LYST: variants seen among roughly 807,000 people sequenced by gnomAD.
The protein encoded by LYST is lysosomal-trafficking regulator.
In LYST, 192 loss-of-function variants were observed where a neutral mutation model predicts 413.6. The observed-to-expected ratio is 0.46, with a 90% CI of 0.41 to 0.52. The LOEUF (loss-of-function observed/expected upper bound fraction) is 0.52, where lower values mean the gene tolerates loss of function less well. Ranked by LOEUF, LYST falls within the 20% of genes least tolerant of loss-of-function variation. The pLI is 0.00. For missense variants in LYST, 3,815 were observed against 4,499.9 expected (o/e 0.85, Z 4.35); for synonymous variants, 1,525 against 1,567.3 (o/e 0.97, Z 0.64).
chr1:235,702,627 T>TTAG, intron 45 of LYST, 120 bp downstream of exon 45: 1 of 831,008 alleles, frequency 1.2e-6, no homozygotes, highest in Admixed American at 1.9e-5. Context: ...GCACCTGTCT[T>TTAG]GCACTGACTG....
chr1:235,773,334 C>G (rs1668900308), intron 19 of LYST, among the ~76,000 whole-genome samples: 1 of 151,090 alleles, frequency 6.6e-6, no homozygotes, highest in Admixed American at 6.6e-5. Context: ...AAAACAAAAA[C>G]AAAAGCAAAC....
Position 235,806,276 on chromosome 1 carries a change from G to A in LYST, c.2860C>T (p.Pro954Ser), listed in dbSNP as rs770636769. ...ISLESLVLPSPEHMHQAADIW... is the reference protein window; with the variant it reads ...ISLESLVLPSSEHMHQAADIW... Reference sequence around the variant, plus strand: ...TCTGCTGCTTGGTGCATATGTTCAGGAGAAGGCAAGACAAGGCTCTCGAGA... The same window carrying A: ...TCTGCTGCTTGGTGCATATGTTCAGAAGAAGGCAAGACAAGGCTCTCGAGA... Residue 954 changes from proline (P) to serine (S), a missense_variant, in exon 6 of 53, where the codon CCT becomes TCT. Physicochemically the swap from Pro to Ser is moderately conservative, Grantham distance 74. Transcript: ENST00000389793. 15 of 1,614,026 alleles carry A rather than the reference G, an allele frequency of 9.3e-6. No homozygotes were observed. In the South Asian group the frequency reaches 9.9e-5, roughly 11 times the overall value.
chr1:235,746,525 G>A lies in LYST; in HGVS notation c.7783C>T (p.Pro2595Ser), dbSNP rs1246001804. The A allele has an allele frequency of 1.9e-6, 3 of 1,610,146 alleles. No individual in the cohort carries two copies. Among genetic ancestry groups the A allele is most frequent in the Non-Finnish European group, 2.5e-6 (3 of 1,177,048 alleles). Reference sequence around the variant, plus strand: ...GTTTGAGCAAGGGGAAATTTTCGAGGACCTTTAAAAGTATATAAATTAAAA... The same window carrying A: ...GTTTGAGCAAGGGGAAATTTTCGAGAACCTTTAAAAGTATATAAATTAAAA... ...VVQKRKSIAG[P>S]RKFPLAQTES... The change falls in exon 29 of 53, where the codon CCT becomes TCT. Residue 2595 changes from proline to serine, a missense_variant and splice_region_variant. Physicochemically the swap from Pro to Ser is moderately conservative, Grantham distance 74. Around this residue, in one of 4 missense-constraint regions of LYST, gnomAD observed 771 missense variants for 837.1 expected, o/e 0.92. Coordinates refer to ENST00000389793, the MANE Select transcript of LYST (RefSeq NM_000081.4).
chr1:235,835,421 G>GT (rs1369423133), intron 1 of LYST, among the ~76,000 whole-genome samples: 1 of 152,122 alleles, frequency 6.6e-6, no homozygotes, highest in East Asian at 1.9e-4. Flanking sequence ...CAGCGTGGCC[G>GT]TAAGAAGTGA....
At chr1:235,848,938 A>G (rs191665856) in intron 1 of LYST, among the ~76,000 whole-genome samples, 8 of 152,230 alleles carry the variant, frequency 5.3e-5, no homozygotes, top group Admixed American at 5.2e-4. Flanking sequence ...TCTACCAGAC[A>G]TTTAAAGAAT....
chr1:235,706,122 A>G (rs1242190955), intron 44 of LYST, among the ~76,000 whole-genome samples: 1 of 152,130 alleles, frequency 6.6e-6, no homozygotes, highest in Non-Finnish European at 1.5e-5. Flanking sequence ...TGCATTTTGG[A>G]ATCAAATGAA....
At position 235,809,198 on chromosome 1, in the gene LYST, A is replaced by G; in HGVS notation, c.1620T>C (p.Asp540=). 6.2e-7 allele frequency: 1 copy of G among 1,614,016 alleles called. No homozygotes were observed. The highest frequency in any genetic ancestry group is 8.5e-7 in the Non-Finnish European group (1 of 1,179,968). ...KNPFEETADG[D]VYYPERCCCI... is the part of the protein sequence containing the mutation. ...AACAGCACCGCTCAGGATAATAAAC[A>G]TCTCCATCTGCAGTCTCTTCAAATG... Residue 540 remains aspartate (D), a synonymous_variant, in exon 5 of 53, where the codon GAT becomes GAC. Coordinates refer to ENST00000389793, the MANE Select transcript of LYST (RefSeq NM_000081.4). The surrounding 1 kb of genome is among the most constrained non-coding windows in gnomAD (Gnocchi z 4.0).
At chr1:235,729,266 ATAG>A (rs1200311013) in intron 37 of LYST, among the ~76,000 whole-genome samples, 3 of 152,224 alleles carry the variant, frequency 2.0e-5, no homozygotes, top group East Asian at 3.8e-4. Flanking sequence ...ATCTGATAAA[ATAG>A]TAGGTAAGAT....
intron 19 of LYST, 37 bp from the exon 20 acceptor site, chr1:235,770,334 A>G: frequency 6.2e-7 from 1 of 1,606,292 alleles, no homozygotes; most frequent in Non-Finnish European, 8.5e-7. Context: ...GCACATACTT[A>G]CTGAAAAATA....
chr1:235,810,470 T>A lies in LYST; in HGVS notation c.348A>T (p.Arg116Ser). 1 of 1,611,364 alleles carries A rather than the reference T, an allele frequency of 6.2e-7. No individual in the cohort carries two copies. Among genetic ancestry groups the A allele is most frequent in the Non-Finnish European group, 8.5e-7 (1 of 1,179,360 alleles). ...LTKEKNSSSQ[R>S]STQEKLHLEG... ...CTAAATGTAATTTTTCCTGAGTGGA[T>A]CTTTGTGAACTTGAGTTCTTTTCTT... The change falls in exon 5 of 53, where the codon AGA (arginine) becomes AGT (serine). Residue 116 changes from arginine to serine, a missense_variant. Physicochemically the swap from Arg to Ser is moderately radical, Grantham distance 110. Around this residue, in one of 4 missense-constraint regions of LYST, gnomAD observed 1,648 missense variants for 1,810.3 expected, o/e 0.91. Coordinates refer to ENST00000389793, the MANE Select transcript of LYST (RefSeq NM_000081.4).
rs761343127 is a variant in LYST at position 235,753,128 on chromosome 1, G to A, written c.7376C>T (p.Ser2459Phe). The A allele has an allele frequency of 2.5e-6, 4 of 1,609,514 alleles. No homozygotes were observed. Among genetic ancestry groups the A allele is most frequent in the Non-Finnish European group, 3.4e-6 (4 of 1,176,322 alleles). The change falls in exon 26 of 53, where the codon TCT becomes TTT. Residue 2459 changes from serine to phenylalanine, a missense_variant. Around this residue, in one of 4 missense-constraint regions of LYST, gnomAD observed 771 missense variants for 837.1 expected, o/e 0.92. Transcript: ENST00000389793. ...ATCCAGCAACATATCTGCTACCTTAGAACAAGAATTTAAAATTTGGAGAAG... is the reference window on the plus strand; with the variant it reads ...ATCCAGCAACATATCTGCTACCTTAAAACAAGAATTTAAAATTTGGAGAAG... ...LLLLQILNSC[S>F]KVADMLLDNG...
rs373840046 is a variant in LYST, at chr1:235,800,335, C to T, written c.3991G>A (p.Asp1331Asn). The part of the protein sequence containing the change: ...GGFLSILTQD[D>N]SDFQACQRVL... ...TTCAACTTACCTTGAAAATCAGAAT[C>T]ATCCTGTGTTAAAATACTCAAGAAC... The change falls in exon 10 of 53, where the codon GAT becomes AAT. Residue 1331 changes from aspartate (D) to asparagine (N), a missense_variant. This residue lies in a region of LYST where 1,648 missense variants were observed against 1,810.3 expected (regional missense o/e 0.91). Coordinates refer to ENST00000389793, the MANE Select transcript of LYST (RefSeq NM_000081.4). 37 of 1,586,282 alleles carry T rather than the reference C, an allele frequency of 2.3e-5. No homozygotes were observed. The Middle Eastern group carries it at 1.0e-3, about 43-fold the overall frequency.
intron 1 of LYST, chr1:235,839,832 A>G (rs143748446): frequency 3.4e-4 from 52 of 151,710 alleles, no homozygotes; most frequent in African/African-American, 1.2e-3. Context: ...GAAATAAAAT[A>G]AAATAAAATA....
At position 235,809,379 on chromosome 1, in the gene LYST, A is replaced by C; in HGVS notation, c.1439T>G (p.Met480Arg). Residue 480 changes from methionine (M) to arginine (R), a missense_variant, in exon 5 of 53, where the codon ATG (methionine) becomes AGG (arginine). By Grantham distance (91) the Met-to-Arg change is moderately conservative. Transcript: ENST00000389793. The surrounding 1 kb of genome is among the most constrained non-coding windows in gnomAD (Gnocchi z 4.0). ...TGATTTCACTTTTTTGACAGTGCTC[A>C]TTATTTTCATCACACTATTTATTAG... is the stretch of plus-strand genomic sequence containing the variant. ...KALINSVMKIMSTVKKVKSEQ... is the reference protein window; with the variant it reads ...KALINSVMKIRSTVKKVKSEQ... 1 of 1,613,970 alleles carries C rather than the reference A, an allele frequency of 6.2e-7. No individual in the cohort carries two copies. Among genetic ancestry groups the C allele is most frequent in the Non-Finnish European group, 8.5e-7 (1 of 1,179,968 alleles).
At chr1:235,876,449 C>A (rs1681140408) in intron 1 of LYST, among the ~76,000 whole-genome samples, 1 of 152,076 alleles carries the variant, frequency 6.6e-6, no homozygotes, top group Admixed American at 6.5e-5. Flanking sequence ...CCCAAGTAAC[C>A]AAGGTAGTAG....
intron 34 of LYST, among the ~76,000 whole-genome samples, chr1:235,732,427 CA>C (rs1273459904): frequency 6.6e-6 from 1 of 152,120 alleles, no homozygotes; most frequent in African/African-American, 2.4e-5. Flanking sequence ...CTCAGCCTCC[CA>C]AAGTACTAGA....
intron 1 of LYST, among the ~76,000 whole-genome samples, chr1:235,862,936 T>C (rs565559579): frequency 3.3e-5 from 5 of 152,126 alleles, no homozygotes; most frequent in Non-Finnish European, 5.9e-5. Flanking sequence ...AAATGAGGTG[T>C]TGCCTGATTC....
In LYST at chr1:235,760,478, T is replaced by C. The variant is rs374778426; in HGVS notation, c.6254-879A>G. The stretch of plus-strand genomic sequence containing the variant: ...CTAATTTACTGCTTCTAATATTCTA[T>C]GCAGGAAGACACCAGAAAAATTATT... On this transcript the variant is annotated intron_variant, in intron 22 of 52. Transcript: ENST00000389793. Among the ~76,000 whole-genome samples, 57 of 152,312 alleles carry C rather than the reference T, an allele frequency of 3.7e-4. 1 individual carries two copies. In the East Asian group the frequency reaches 7.9e-3, roughly 21 times the overall value.
At chr1:235,856,484 T>C (rs72763436) in intron 1 of LYST, among the ~76,000 whole-genome samples, 27 of 152,278 alleles carry the variant, frequency 1.8e-4, no homozygotes, top group Non-Finnish European at 3.4e-4. Context: ...AAATGCCTCT[T>C]TGGGTTGTGA....
Sources: gnomAD v4.1 joint callset for allele counts (sites outside exome capture counted in the v4.1 genomes callset) on GRCh38, gnomAD v4.1.1 for gene constraint, gnomAD v4.1.1 regional missense constraint, Gnocchi (gnomAD v3.1) non-coding constraint, MANE v1.5 for transcripts, NCBI Gene and HGNC (gene_info 2026-07-23, HGNC 2026-07-21) for gene names.